Variants in YTHDC2 observed in about 807,000 individuals in gnomAD.
The protein encoded by YTHDC2 is YTH N6-methyladenosine RNA binding protein C2.
In YTHDC2, 45 loss-of-function variants were observed where a neutral mutation model predicts 174.9. That is an observed-to-expected ratio of 0.26 (90% CI 0.20 to 0.33). The LOEUF (loss-of-function observed/expected upper bound fraction) is 0.33. Ranked by LOEUF, YTHDC2 falls within the 10% of genes least tolerant of loss-of-function variation. The probability of loss-of-function intolerance (pLI) is 1.00; values close to 1 mark genes in which losing one functional copy is unlikely to be tolerated. For synonymous variants in YTHDC2, 657 were observed against 574.5 expected (o/e 1.14, Z -2.05); for missense variants, 1,650 against 1,723.7 (o/e 0.96, Z 0.76).
chr5:113,541,158 T>A, intron 9 of YTHDC2, 42 bp downstream of exon 9: 1 of 1,610,644 alleles, frequency 6.2e-7, no homozygotes, highest in South Asian at 1.1e-5. Flanking sequence ...TGTGTGAAAA[T>A]TGTGTAGGTT....
intron 23 of YTHDC2, among the ~76,000 whole-genome samples, chr5:113,579,047 G>T (rs976235326): frequency 2.0e-5 from 3 of 151,606 alleles, no homozygotes; most frequent in African/African-American, 7.3e-5. Context: ...TTTACAGAGG[G>T]TTATCTATTA....
intron 1 of YTHDC2, among the ~76,000 whole-genome samples, chr5:113,514,646 G>T (rs979669594): frequency 2.6e-5 from 4 of 152,148 alleles, no homozygotes; most frequent in African/African-American, 7.2e-5. Flanking sequence ...TGTGCAGTCT[G>T]TTGAGGGCTC....
At chr5:113,588,759 A>G (rs940357685) in intron 26 of YTHDC2, among the ~76,000 whole-genome samples, 1 of 151,832 alleles carries the variant, frequency 6.6e-6, no homozygotes, top group Non-Finnish European at 1.5e-5. Flanking sequence ...AGTAGCTGGG[A>G]TTACAGGCAT....
chr5:113,529,327 A>G (rs968593313), intron 4 of YTHDC2, among the ~76,000 whole-genome samples: 2 of 152,264 alleles, frequency 1.3e-5, no homozygotes, highest in Non-Finnish European at 2.9e-5. Flanking sequence ...TTTCTCTTAT[A>G]TTGTACTTAC....
At chr5:113,542,621 A>G in intron 10 of YTHDC2, 118 bp downstream of exon 10, 1 of 856,942 alleles carries the variant, frequency 1.2e-6, no homozygotes, top group Non-Finnish European at 1.7e-6. Context: ...ATTTTTTAAA[A>G]GTATTTATTT....
At position 113,548,609 on chromosome 5, in the gene YTHDC2, C is replaced by G. The variant is rs774692146; in HGVS notation, c.1564C>G (p.Gln522Glu). The G allele has an allele frequency of 2.5e-6, 4 of 1,613,348 alleles. No homozygotes were observed. Among genetic ancestry groups the G allele is most frequent in the East Asian group, 2.2e-5 (1 of 44,828 alleles). ...MVAAGRGFAS[Q>E]VEQLISMGAN... ...TGCTGCAGGACGTGGCTTTGCAAGT[C>G]AAGTAGAACAGTTAATCAGTATGGG... Residue 522 changes from glutamine (Q) to glutamate (E), a missense_variant, in exon 11 of 30, where the codon CAA becomes GAA. By Grantham distance (29) the Gln-to-Glu change is conservative. This residue lies in a region of YTHDC2 where 411 missense variants were observed against 380.6 expected (regional missense o/e 1.08). Transcript: ENST00000161863.
chr5:113,542,458 G>A lies in YTHDC2; in HGVS notation c.1450G>A (p.Ala484Thr), dbSNP rs1775553912. Residue 484 changes from alanine to threonine, a missense_variant, in exon 10 of 30, where the codon GCC becomes ACC. By Grantham distance (58) the Ala-to-Thr change is moderately conservative. Transcript: ENST00000161863. ...SDIWLHKDID[A>T]FAQVFHLILT... The stretch of plus-strand genomic sequence containing the variant: ...TATATGGCTACATAAAGATATTGAT[G>A]CCTTTGCTCAGGTCTTTCATCTCAT... 1 of 1,611,328 alleles carries A rather than the reference G, an allele frequency of 6.2e-7. No individual in the cohort carries two copies. Among genetic ancestry groups the A allele is most frequent in the South Asian group, 1.1e-5 (1 of 89,956 alleles).
intron 20 of YTHDC2, 68 bp downstream of exon 20, chr5:113,564,199 A>C: frequency 7.0e-7 from 1 of 1,434,130 alleles, no homozygotes; most frequent in Middle Eastern, 1.9e-4. Context: ...CAAATGTAGG[A>C]ATTTTAAAAA....
rs924113791 is a variant in YTHDC2 at position 113,542,490 on chromosome 5, T to C, written c.1482T>C (p.Thr494=). Residue 494 remains threonine (T), a synonymous_variant, in exon 10 of 30, where the codon ACT becomes ACC. Coordinates refer to ENST00000161863, the MANE Select transcript of YTHDC2 (RefSeq NM_022828.5). ...CTCAGGTCTTTCATCTCATTTTAACTGAAAATGTTAGTGGTAAGTTTATTT... is the reference window on the plus strand; with the variant it reads ...CTCAGGTCTTTCATCTCATTTTAACCGAAAATGTTAGTGGTAAGTTTATTT... ...AFAQVFHLIL[T]ENVSVDYRHS... The C allele has an allele frequency of 3.1e-5, 50 of 1,601,490 alleles. No homozygotes were observed. The highest frequency in any genetic ancestry group is 3.9e-5 in the Non-Finnish European group (46 of 1,176,260).
chr5:113,568,621 G>A (rs760111950), intron 23 of YTHDC2, among the ~76,000 whole-genome samples: 6 of 152,130 alleles, frequency 3.9e-5, no homozygotes, highest in South Asian at 4.1e-4. Flanking sequence ...GAGAACATGC[G>A]GTGTTTGGTT....
At chr5:113,534,853 A>G (rs1774947361) in intron 6 of YTHDC2, among the ~76,000 whole-genome samples, 1 of 152,158 alleles carries the variant, frequency 6.6e-6, no homozygotes, top group Admixed American at 6.5e-5. Context: ...CTGCTGATGA[A>G]CTAAGTTGAT....
intron 12 of YTHDC2, among the ~76,000 whole-genome samples, chr5:113,551,321 T>A (rs1037394209): frequency 6.6e-6 from 1 of 152,086 alleles, no homozygotes; most frequent in South Asian, 2.1e-4. Flanking sequence ...ATCTGGATAA[T>A]ATTTTAATTA....
Position 113,563,434 on chromosome 5 carries a change from T to A in YTHDC2, c.2384T>A (p.Met795Lys), listed in dbSNP as rs559215760. 3 of 1,611,614 alleles carry A rather than the reference T, an allele frequency of 1.9e-6. No individual in the cohort carries two copies. The East Asian group carries it at 6.7e-5, about 36-fold the overall frequency. ...PVNCPIADFL[M>K]KAPEPPPALI... ...AATTGTCCCATTGCTGATTTTCTTATGAAAGCTCCTGAACCTCCACCAGCT... is the reference window on the plus strand; with the variant it reads ...AATTGTCCCATTGCTGATTTTCTTAAGAAAGCTCCTGAACCTCCACCAGCT... The change falls in exon 19 of 30, where the codon ATG becomes AAG. Residue 795 changes from methionine to lysine, a missense_variant. Physicochemically the swap from Met to Lys is moderately conservative, Grantham distance 95. This residue lies in a region of YTHDC2 where 913 missense variants were observed against 940.4 expected (regional missense o/e 0.97). Coordinates refer to ENST00000161863, the MANE Select transcript of YTHDC2 (RefSeq NM_022828.5).
chr5:113,514,628 C>T (rs1459409862), intron 1 of YTHDC2, among the ~76,000 whole-genome samples: 1 of 152,090 alleles, frequency 6.6e-6, no homozygotes, highest in African/African-American at 2.4e-5. Flanking sequence ...AACTGACCTG[C>T]GGTGACCTGT....
At position 113,548,578 on chromosome 5, in the gene YTHDC2, G is replaced by C; in HGVS notation, c.1533G>C (p.Leu511=). The change falls in exon 11 of 30, where the codon CTG becomes CTC. Residue 511 remains leucine (L), a synonymous_variant. Transcript: ENST00000161863. The part of the protein sequence containing the change: ...YRHSETSATA[L]MVAAGRGFAS... Reference sequence around the variant, plus strand: ...ATAGTGAAACCAGTGCAACAGCTCTGATGGTTGCTGCAGGACGTGGCTTTG... The same window carrying C: ...ATAGTGAAACCAGTGCAACAGCTCTCATGGTTGCTGCAGGACGTGGCTTTG... The C allele has an allele frequency of 6.2e-7, 1 of 1,613,208 alleles. No homozygotes were observed. The highest frequency in any genetic ancestry group is 8.5e-7 in the Non-Finnish European group (1 of 1,179,576).
intron 25 of YTHDC2, 96 bp downstream of exon 25, chr5:113,581,805 T>A: frequency 1.9e-6 from 2 of 1,075,928 alleles, no homozygotes. Context: ...ATTTAAAAAT[T>A]ACTTTTTTAT....
chr5:113,544,297 C>T (rs548846071), intron 10 of YTHDC2, among the ~76,000 whole-genome samples: 118 of 152,134 alleles, frequency 7.8e-4, no homozygotes, highest in African/African-American at 2.7e-3. Context: ...TACAGGTGTG[C>T]GTCACCATGC....
chr5:113,557,799 C>CA lies in YTHDC2; in HGVS notation c.2216+1673dup, dbSNP rs534296452. 2.4e-4 allele frequency among the ~76,000 whole-genome samples: 37 copies of CA among 151,382 alleles called. No homozygotes were observed. In the East Asian group the frequency reaches 5.6e-3, roughly 23 times the overall value. On this transcript the variant is annotated intron_variant, in intron 17 of 29. Coordinates refer to ENST00000161863, the MANE Select transcript of YTHDC2 (RefSeq NM_022828.5). ...GGAGCGACAGAGCCAGACACTGTCT[C>CA]AAAAAAAATAAAATAACAAATAGTA...
chr5:113,581,875 T>A, intron 25 of YTHDC2, 166 bp downstream of exon 25: 1 of 527,134 alleles, frequency 1.9e-6, no homozygotes, highest in Non-Finnish European at 3.0e-6. Context: ...TTGTTCAACT[T>A]AATTCTTCTA....
Sources: allele counts gnomAD v4.1 joint callset (sites outside exome capture counted in the v4.1 genomes callset), GRCh38; gene constraint gnomAD v4.1.1; regional missense constraint gnomAD v4.1.1; transcripts MANE v1.5; gene names NCBI Gene and HGNC (gene_info 2026-07-23, HGNC 2026-07-21).